Variants in BBX observed in about 807,000 individuals in gnomAD.
The protein encoded by BBX is HMG box transcription factor BBX.
In BBX, 30 loss-of-function variants were observed where a neutral mutation model predicts 100.2. The ratio of observed to expected loss-of-function variants is 0.30; its 90% confidence interval spans 0.22 to 0.41. The LOEUF (loss-of-function observed/expected upper bound fraction) is 0.41. Ranked by LOEUF, BBX falls within the 10% of genes least tolerant of loss-of-function variation. BBX has a pLI of 1.00. For missense variants in BBX, 1,023 were observed against 1,129.8 expected (o/e 0.91, Z 1.35); for synonymous variants, 376 against 388.1 (o/e 0.97, Z 0.37).
chr3:107,581,843 G>A (rs953621026), intron 2 of BBX, among the ~76,000 whole-genome samples: 3 of 152,056 alleles, frequency 2.0e-5, no homozygotes, highest in Admixed American at 6.5e-5. Flanking sequence ...GATATTTTTA[G>A]AAAAGAATTA....
intron 9 of BBX, among the ~76,000 whole-genome samples, chr3:107,752,210 A>G (rs1485937710): frequency 6.6e-6 from 1 of 152,190 alleles, no homozygotes; most frequent in East Asian, 1.9e-4. Context: ...ATATAACTAT[A>G]ATCTCACCAA....
At chr3:107,724,323 G>C (rs906408681) in intron 5 of BBX, among the ~76,000 whole-genome samples, 1 of 151,770 alleles carries the variant, frequency 6.6e-6, no homozygotes, top group Non-Finnish European at 1.5e-5. Flanking sequence ...TGTCAGATGA[G>C]TAGATTGCAA....
chr3:107,789,272 A>G (rs189145897), intron 13 of BBX, among the ~76,000 whole-genome samples: 25 of 152,258 alleles, frequency 1.6e-4, no homozygotes, highest in Admixed American at 2.0e-4. Flanking sequence ...TTTTTGGCAG[A>G]TATTTTCTCT....
At chr3:107,758,462 G>T (rs2065653522) in intron 10 of BBX, among the ~76,000 whole-genome samples, 1 of 152,150 alleles carries the variant, frequency 6.6e-6, no homozygotes, top group African/African-American at 2.4e-5. Flanking sequence ...ACAGAGAGGG[G>T]TTGCATAAGG....
chr3:107,554,591 T>C (rs1170723642), intron 2 of BBX, among the ~76,000 whole-genome samples: 2 of 152,224 alleles, frequency 1.3e-5, no homozygotes, highest in Non-Finnish European at 1.5e-5. Context: ...GTTTAACTTA[T>C]GCATTTTTTA....
intron 2 of BBX, among the ~76,000 whole-genome samples, chr3:107,620,541 T>C (rs1308104097): frequency 6.6e-6 from 1 of 152,198 alleles, no homozygotes. Context: ...GAGACTGCTT[T>C]AGCAGCATGA....
chr3:107,643,128 T>C (rs1281511610), intron 2 of BBX, among the ~76,000 whole-genome samples: 1 of 152,172 alleles, frequency 6.6e-6, no homozygotes, highest in Non-Finnish European at 1.5e-5. Flanking sequence ...TTAACACTAA[T>C]TGGGAATCTG....
chr3:107,565,382 A>G (rs567312490), intron 2 of BBX, among the ~76,000 whole-genome samples: 8 of 151,272 alleles, frequency 5.3e-5, no homozygotes, highest in African/African-American at 1.9e-4. Flanking sequence ...TTATTTGTAC[A>G]TATTTTTTAC....
intron 2 of BBX, among the ~76,000 whole-genome samples, chr3:107,603,878 T>C (rs546982438): frequency 2.0e-5 from 3 of 152,282 alleles, no homozygotes; most frequent in Admixed American, 6.5e-5. Context: ...ATAATGTTAT[T>C]TGCTTGCTTA....
intron 2 of BBX, among the ~76,000 whole-genome samples, chr3:107,550,854 C>T (rs902756967): frequency 6.6e-6 from 1 of 152,032 alleles, no homozygotes; most frequent in African/African-American, 2.4e-5. Flanking sequence ...CTATAGAGAC[C>T]TGGATAGAGG....
rs1172444533 is a variant in BBX at position 107,717,940 on chromosome 3, G to T, written c.405+1091G>T. 2.6e-5 allele frequency among the ~76,000 whole-genome samples: 4 copies of T among 151,858 alleles called. No homozygotes were observed. The South Asian group carries it at 8.3e-4, about 31-fold the overall frequency. On this transcript the variant is annotated intron_variant, in intron 5 of 17. Coordinates refer to ENST00000325805, the MANE Select transcript of BBX (RefSeq NM_001142568.3). The stretch of plus-strand genomic sequence containing the variant: ...ACTTGGTTAAGTTTTATCAAAAAAT[G>T]AACCAGCAGGGGACAAAATACAGAG...
intron 2 of BBX, among the ~76,000 whole-genome samples, chr3:107,584,095 T>TAA (rs1451275562): frequency 4.7e-3 from 40 of 8,464 alleles, no homozygotes; most frequent in Non-Finnish European, 7.5e-3. Flanking sequence ...ATATCATATA[T>TAA]TATATATATT....
At chr3:107,637,141 A>G (rs1205813798) in intron 2 of BBX, among the ~76,000 whole-genome samples, 3 of 152,218 alleles carry the variant, frequency 2.0e-5, no homozygotes, top group Non-Finnish European at 2.9e-5. Flanking sequence ...GAATTCCTCT[A>G]TACTGTCTAC....
At chr3:107,618,132 A>G (rs1386835388) in intron 2 of BBX, among the ~76,000 whole-genome samples, 2 of 152,092 alleles carry the variant, frequency 1.3e-5, no homozygotes, top group East Asian at 1.9e-4. Flanking sequence ...CAATATGATT[A>G]TATCATTTTT....
chr3:107,640,336 G>A (rs115034145), intron 2 of BBX, among the ~76,000 whole-genome samples: 75 of 152,274 alleles, frequency 4.9e-4, no homozygotes, highest in African/African-American at 1.7e-3. Context: ...ACTTCAACCA[G>A]ATCTGCTGCA....
chr3:107,657,565 G>A (rs2058219616), intron 3 of BBX, among the ~76,000 whole-genome samples: 2 of 152,088 alleles, frequency 1.3e-5, no homozygotes, highest in Non-Finnish European at 2.9e-5. Context: ...AGGTTAGGAG[G>A]CAATGGAGGG....
chr3:107,611,697 A>T (rs940748834), intron 2 of BBX, among the ~76,000 whole-genome samples: 1 of 151,868 alleles, frequency 6.6e-6, no homozygotes, highest in Non-Finnish European at 1.5e-5. Context: ...TTGAATATTA[A>T]ATGCCTTGAG....
chr3:107,805,227 G>A, intron 17 of BBX, 143 bp from the exon 18 acceptor site: 1 of 980,588 alleles, frequency 1.0e-6, no homozygotes, highest in Non-Finnish European at 1.5e-6. Context: ...AAACTCTAAA[G>A]CAAAAACAGT....
At chr3:107,564,324 A>G (rs968607515) in intron 2 of BBX, among the ~76,000 whole-genome samples, 3 of 152,166 alleles carry the variant, frequency 2.0e-5, no homozygotes, top group African/African-American at 7.2e-5. Flanking sequence ...ATATATTTAT[A>G]TGGCAAATAT....
Sources: allele counts gnomAD v4.1 joint callset (sites outside exome capture counted in the v4.1 genomes callset), GRCh38; gene constraint gnomAD v4.1.1; transcripts MANE v1.5; gene names NCBI Gene and HGNC (gene_info 2026-07-23, HGNC 2026-07-21).